The following ADGRL2 variants were observed in gnomAD, a reference collection of about 807,000 sequenced individuals.
ADGRL2 encodes calcium-independent alpha-latrotoxin receptor 2.
Under a neutral mutation model 157.4 loss-of-function variants are expected in ADGRL2, and 44 were observed. That is an observed-to-expected ratio of 0.28 (90% CI 0.22 to 0.36). ADGRL2 has a LOEUF of 0.36. Among genes scored for constraint, ADGRL2 ranks in the 10% least tolerant of loss-of-function variants. The pLI, the probability that ADGRL2 is intolerant of heterozygous loss-of-function variation, is 1.00. For synonymous variants in ADGRL2, 585 were observed against 624.7 expected, an observed-to-expected ratio of 0.94 and a Z score of 0.95; for missense variants, 1,510 against 1,768.9, an observed-to-expected ratio of 0.85 and a Z score of 2.63.
chr1:81,407,806 A>C (rs1199317214), intron 1 of ADGRL2, among the ~76,000 whole-genome samples: 1 of 152,190 alleles, frequency 6.6e-6, no homozygotes, highest in Non-Finnish European at 1.5e-5. Context: ...GAAGGAGAAA[A>C]GAAGGGAGAG....
chr1:81,984,734 C>T (rs1265956018), intron 20 of ADGRL2, 23 bp downstream of exon 20: 3 of 1,610,586 alleles, frequency 1.9e-6, no homozygotes, highest in African/African-American at 2.7e-5. Context: ...TTGACAGCAT[C>T]TTTAATTAAC....
intron 1 of ADGRL2, among the ~76,000 whole-genome samples, chr1:81,350,321 G>A (rs551399983): frequency 9.4e-4 from 143 of 152,302 alleles, no homozygotes; most frequent in African/African-American, 3.3e-3. Context: ...TCTGCTTACT[G>A]TTGTGAGAAA....
intron 3 of ADGRL2, among the ~76,000 whole-genome samples, chr1:81,674,470 G>A (rs2082943220): frequency 6.6e-6 from 1 of 152,194 alleles, no homozygotes; most frequent in Non-Finnish European, 1.5e-5. Flanking sequence ...AGCTAGTCAG[G>A]CATGTGCACC....
intron 2 of ADGRL2, among the ~76,000 whole-genome samples, chr1:81,561,671 G>A (rs941222564): frequency 1.3e-5 from 2 of 151,904 alleles, no homozygotes; most frequent in East Asian, 1.9e-4. Flanking sequence ...TGTTGGCCAG[G>A]CTGGTCTTGA....
In ADGRL2 at chr1:81,589,065, G is replaced by A. The variant is rs527783477; in HGVS notation, c.-143+8085G>A. ...TGTGCTCATGTATTCTAATCATTGA[G>A]GACAGAGAACCATATAGTATCTGTT... On this transcript the variant is annotated intron_variant, in intron 3 of 24. Transcript: ENST00000370721. Among the ~76,000 whole-genome samples the A allele has an allele frequency of 9.2e-5, 14 of 152,188 alleles. No homozygotes were observed. In the South Asian group the frequency reaches 2.9e-3, roughly 32 times the overall value.
chr1:81,837,705 T>A (rs1478841482), intron 2 of ADGRL2, among the ~76,000 whole-genome samples: 1 of 151,936 alleles, frequency 6.6e-6, no homozygotes, highest in Non-Finnish European at 1.5e-5. Context: ...TTTAAAGAAA[T>A]AAATATACTT....
intron 1 of ADGRL2, among the ~76,000 whole-genome samples, chr1:81,367,305 G>A (rs1430871533): frequency 6.6e-6 from 1 of 152,086 alleles, no homozygotes; most frequent in African/African-American, 2.4e-5. Flanking sequence ...CTGTGCTGCA[G>A]GGATCAACCC....
At chr1:81,459,094 T>A (rs568912495) in intron 2 of ADGRL2, among the ~76,000 whole-genome samples, 10 of 152,208 alleles carry the variant, frequency 6.6e-5, no homozygotes, top group Admixed American at 2.0e-4. Flanking sequence ...TTTTAAGGGC[T>A]CAGAATATGG....
chr1:81,561,379 A>G (rs1333380300), intron 2 of ADGRL2, among the ~76,000 whole-genome samples: 3 of 148,508 alleles, frequency 2.0e-5, no homozygotes, highest in African/African-American at 7.5e-5. Context: ...TCTTTTTTAT[A>G]TATTATTTTC....
chr1:81,742,042 G>A (rs761477174), intron 1 of ADGRL2, among the ~76,000 whole-genome samples: 1 of 151,874 alleles, frequency 6.6e-6, no homozygotes, highest in Non-Finnish European at 1.5e-5. Flanking sequence ...ACATTAGCAT[G>A]TGCATTTTTA....
chr1:81,814,693 A>C (rs1362061917), intron 1 of ADGRL2, among the ~76,000 whole-genome samples: 2 of 151,538 alleles, frequency 1.3e-5, no homozygotes, highest in Non-Finnish European at 3.0e-5. Flanking sequence ...TGTATGTTTC[A>C]AAGCCATTTC....
chr1:81,604,999 C>T (rs573593826), intron 3 of ADGRL2, among the ~76,000 whole-genome samples: 6 of 152,170 alleles, frequency 3.9e-5, no homozygotes, highest in South Asian at 2.1e-4. Flanking sequence ...TTTCAGCTTC[C>T]GAGACTGGAA....
At chr1:81,462,894 T>C (rs921515642) in intron 2 of ADGRL2, among the ~76,000 whole-genome samples, 1 of 151,656 alleles carries the variant, frequency 6.6e-6, no homozygotes, top group African/African-American at 2.4e-5. Flanking sequence ...GCGGGTGGAT[T>C]GCTTGAGCCC....
At chr1:81,407,981 C>T (rs1287373499) in intron 1 of ADGRL2, among the ~76,000 whole-genome samples, 1 of 152,186 alleles carries the variant, frequency 6.6e-6, no homozygotes, top group East Asian at 1.9e-4. Context: ...ATTACAGGCT[C>T]ACCTCATTGC....
rs556794428 is a variant in ADGRL2, at chr1:81,715,430, C to T, written c.-143+15622C>T. 9.7e-4 allele frequency among the ~76,000 whole-genome samples: 147 copies of T among 152,078 alleles called. 3 individuals are homozygous for T. Among genetic ancestry groups the T allele is most frequent in the African/African-American group, 3.4e-3 (143 of 41,482 alleles). On this transcript the variant is annotated intron_variant, in intron 1 of 20. Transcript: ENST00000359929. ...CACCAGCTCAAATAGTATAATTTAC[C>T]ACTGTGAGATTTTTCTGTTAGTGTG...
At chr1:81,830,631 C>T (rs2091878992) in intron 1 of ADGRL2, among the ~76,000 whole-genome samples, 1 of 152,134 alleles carries the variant, frequency 6.6e-6, no homozygotes, top group Admixed American at 6.5e-5. Flanking sequence ...CCTCAGCCTC[C>T]TGAGTAGCTG....
intron 2 of ADGRL2, among the ~76,000 whole-genome samples, chr1:81,568,113 T>C (rs948463842): frequency 6.6e-6 from 1 of 152,086 alleles, no homozygotes. Context: ...ATATGATGGC[T>C]AAAATAGAAG....
At chr1:81,812,076 A>G (rs2089930253) in intron 1 of ADGRL2, among the ~76,000 whole-genome samples, 1 of 151,784 alleles carries the variant, frequency 6.6e-6, no homozygotes, top group Admixed American at 6.6e-5. Flanking sequence ...AAGAGCAATT[A>G]TTTTAATCAG....
intron 2 of ADGRL2, among the ~76,000 whole-genome samples, chr1:81,901,956 C>T (rs964866083): frequency 6.6e-6 from 1 of 152,162 alleles, no homozygotes; most frequent in African/African-American, 2.4e-5. Context: ...GCCTCAGGAG[C>T]TCCTGACAAC....
Sources: allele counts gnomAD v4.1 joint callset (sites outside exome capture counted in the v4.1 genomes callset), GRCh38; gene constraint gnomAD v4.1.1; transcripts MANE v1.5; gene names NCBI Gene and HGNC (gene_info 2026-07-23, HGNC 2026-07-21).